Variants in IL1RAPL2 observed in about 807,000 individuals in gnomAD.
IL1RAPL2 encodes interleukin 1 receptor accessory protein like 2, also known as X-linked interleukin-1 receptor accessory protein-like 2.
A neutral mutation model predicts 44.1 loss-of-function variants in IL1RAPL2; 3 were observed. That is an observed-to-expected ratio of 0.07 (90% CI 0.03 to 0.18). IL1RAPL2 has a LOEUF of 0.18. Ranked by LOEUF, IL1RAPL2 falls within the 10% of genes least tolerant of loss-of-function variation. The pLI, the probability that IL1RAPL2 is intolerant of heterozygous loss-of-function variation, is 1.00. For synonymous variants in IL1RAPL2, 181 were observed against 178.8 expected, an observed-to-expected ratio of 1.01 and a Z score of -0.10; for missense variants, 391 against 496.4, an observed-to-expected ratio of 0.79 and a Z score of 2.02.
intron 1 of IL1RAPL2, among the ~76,000 whole-genome samples, chrX:104,621,240 TTA>T (rs759011601): frequency 1.7e-4 from 18 of 105,597 alleles, no homozygotes; most frequent in African/African-American, 2.7e-4. Context: ...ATCTCAGCAG[TTA>T]TATATATATA....
intron 7 of IL1RAPL2, among the ~76,000 whole-genome samples, chrX:105,732,499 G>A (rs2038414786): frequency 9.1e-6 from 1 of 110,480 alleles, no homozygotes; most frequent in African/African-American, 3.3e-5. Context: ...GCTATGTGAG[G>A]ATGCCTTGCT....
At chrX:104,749,294 T>C (rs1932221581) in intron 2 of IL1RAPL2, among the ~76,000 whole-genome samples, 1 of 111,009 alleles carries the variant, frequency 9.0e-6, no homozygotes, top group Admixed American at 9.6e-5. Flanking sequence ...TAGTGTCTCT[T>C]CCTCAACCTG....
intron 2 of IL1RAPL2, among the ~76,000 whole-genome samples, chrX:104,802,665 A>C (rs1932893496): frequency 8.9e-6 from 1 of 111,859 alleles, no homozygotes; most frequent in African/African-American, 3.3e-5. Context: ...TCTAATTTTT[A>C]ATGTTTGATA....
intron 5 of IL1RAPL2, among the ~76,000 whole-genome samples, chrX:105,349,298 C>G (rs1417897366): frequency 8.9e-6 from 1 of 111,769 alleles, no homozygotes; most frequent in Non-Finnish European, 1.9e-5. Context: ...TTGTGATTTC[C>G]TTTTTGGATG....
At chrX:105,735,196 T>C (rs2038437548) in intron 7 of IL1RAPL2, among the ~76,000 whole-genome samples, 1 of 111,581 alleles carries the variant, frequency 9.0e-6, no homozygotes, top group Non-Finnish European at 1.9e-5. Flanking sequence ...AATATAGTGA[T>C]GTCTGTCACC....
At chrX:105,494,671 G>T (rs770374721) in intron 6 of IL1RAPL2, among the ~76,000 whole-genome samples, 191 of 110,589 alleles carry the variant, frequency 1.7e-3, no homozygotes, top group Middle Eastern at 4.8e-3. Context: ...TCCCTTTTTG[G>T]GGGGTCAGGG....
chrX:104,910,156 G>GAACT (rs1924186437), intron 2 of IL1RAPL2, among the ~76,000 whole-genome samples: 1 of 112,300 alleles, frequency 8.9e-6, no homozygotes, highest in Non-Finnish European at 1.9e-5. Flanking sequence ...CTAGGAAAGG[G>GAACT]AACTCCCTGA....
chrX:105,201,251 A>G (rs1338295164), intron 3 of IL1RAPL2, among the ~76,000 whole-genome samples: 1 of 111,925 alleles, frequency 8.9e-6, no homozygotes, highest in Non-Finnish European at 1.9e-5. Flanking sequence ...TCACAGTTGA[A>G]TGATTATTAC....
At position 105,379,330 on chromosome X, in the gene IL1RAPL2, G is replaced by T. The variant is rs144978668; in HGVS notation, c.698-104983G>T. Among the ~76,000 whole-genome samples the T allele has an allele frequency of 5.2e-3, 584 of 111,334 alleles. 5 individuals carry two copies. The highest frequency in any genetic ancestry group is 0.018 in the African/African-American group (546 of 30,671). ...CTTTCTCCATCCTGGATATTACTCA[G>T]AATTTGTCAGTGGCAAAACAAAAGT... is the stretch of plus-strand genomic sequence containing the variant. On this transcript the variant is annotated intron_variant, in intron 5 of 10. Transcript: ENST00000372582.
chrX:105,142,481 G>A (rs1363600628), intron 2 of IL1RAPL2, among the ~76,000 whole-genome samples: 2 of 111,290 alleles, frequency 1.8e-5, no homozygotes, highest in African/African-American at 6.5e-5. Context: ...TTGCTGGAGA[G>A]GCCCTGCCTG....
intron 5 of IL1RAPL2, among the ~76,000 whole-genome samples, chrX:105,439,235 G>T (rs1248622966): frequency 9.0e-6 from 1 of 111,481 alleles, no homozygotes; most frequent in African/African-American, 3.3e-5. Context: ...GTTGCCATTT[G>T]TGAGCTTGAA....
At chrX:104,697,081 A>G (rs1317811822) in intron 2 of IL1RAPL2, among the ~76,000 whole-genome samples, 5 of 112,750 alleles carry the variant, frequency 4.4e-5, no homozygotes, top group Non-Finnish European at 7.5e-5. Flanking sequence ...TAGAGAGCAC[A>G]TGATATGTTG....
intron 2 of IL1RAPL2, among the ~76,000 whole-genome samples, chrX:104,726,994 A>T (rs1392322758): frequency 9.0e-6 from 1 of 110,766 alleles, no homozygotes; most frequent in Non-Finnish European, 1.9e-5. Flanking sequence ...ATTAAAAAAA[A>T]AAATCCTAGA....
intron 4 of IL1RAPL2, among the ~76,000 whole-genome samples, chrX:105,265,074 A>G (rs1423493686): frequency 2.7e-5 from 3 of 112,146 alleles, no homozygotes; most frequent in Non-Finnish European, 5.6e-5. Context: ...TTCCTGGGGA[A>G]AAAAAGCAAA....
chrX:104,613,159 T>C, intron 1 of IL1RAPL2, among the ~76,000 whole-genome samples: 1 of 111,862 alleles, frequency 8.9e-6, no homozygotes, highest in East Asian at 2.8e-4. Flanking sequence ...CTGGATGTCT[T>C]TTATATCTTT....
chrX:105,056,820 G>C (rs1009429994), intron 2 of IL1RAPL2, among the ~76,000 whole-genome samples: 3 of 111,999 alleles, frequency 2.7e-5, no homozygotes, highest in Admixed American at 9.5e-5. Context: ...CACTAAATTA[G>C]CTAGACTATA....
At chrX:105,006,098 A>C (rs2030937332) in intron 2 of IL1RAPL2, among the ~76,000 whole-genome samples, 1 of 111,043 alleles carries the variant, frequency 9.0e-6, no homozygotes, top group Non-Finnish European at 1.9e-5. Context: ...ATGGTGCTTC[A>C]AAATTTAATG....
At chrX:105,249,832 C>G (rs190258710) in intron 4 of IL1RAPL2, among the ~76,000 whole-genome samples, 1 of 111,420 alleles carries the variant, frequency 9.0e-6, no homozygotes, top group East Asian at 2.8e-4. Context: ...ACCATAACAT[C>G]CAACAACTGT....
chrX:104,761,905 CCTTCTCCTTCTCCTTCTCCTT>C (rs1932450456), intron 2 of IL1RAPL2, among the ~76,000 whole-genome samples: 24 of 48,550 alleles, frequency 4.9e-4, no homozygotes, highest in East Asian at 2.1e-3. Flanking sequence ...TTCTCCTTCT[CCTTCTCCTTCTCCTTCTCCTT>C]CTTCTTCTTC....
Sources: allele counts gnomAD v4.1 joint callset (sites outside exome capture counted in the v4.1 genomes callset), GRCh38; gene constraint gnomAD v4.1.1; transcripts MANE v1.5; gene names NCBI Gene and HGNC (gene_info 2026-07-23, HGNC 2026-07-21).